Variants in KNDC1 observed in about 807,000 individuals in gnomAD.
KNDC1 encodes the protein kinase non-catalytic C-lobe domain containing 1.
In KNDC1, 106 loss-of-function variants were observed where a neutral mutation model predicts 172.8. That is an observed-to-expected ratio of 0.61 (90% CI 0.52 to 0.72). KNDC1 has a LOEUF of 0.72. Among genes scored for constraint, KNDC1 ranks in the 30% least tolerant of loss-of-function variants. KNDC1 has a pLI of 0.00. For missense variants in KNDC1, 2,325 were observed against 2,394.5 expected, an observed-to-expected ratio of 0.97 and a Z score of 0.61; for synonymous variants, 1,083 against 1,062.2, an observed-to-expected ratio of 1.02 and a Z score of -0.38.
chr10:133,178,009 GTGTGCATGCATGTGGTA>G (rs1194249402), intron 3 of KNDC1, among the ~76,000 whole-genome samples: 1 of 150,598 alleles, frequency 6.6e-6, no homozygotes, highest in African/African-American at 2.4e-5. Context: ...TGTATGTGGT[GTGTGCATGCATGTGGTA>G]TGTGTCATGG....
intron 9 of KNDC1, among the ~76,000 whole-genome samples, chr10:133,193,001 A>C (rs1044153785): frequency 6.6e-6 from 1 of 152,202 alleles, no homozygotes; most frequent in South Asian, 2.1e-4. Flanking sequence ...GACACATCAT[A>C]GTCAAACCTC....
At chr10:133,196,572 C>G (rs111666943) in intron 10 of KNDC1, among the ~76,000 whole-genome samples, 1 of 152,200 alleles carries the variant, frequency 6.6e-6, no homozygotes, top group Non-Finnish European at 1.5e-5. Flanking sequence ...ACCCTGTGGG[C>G]CTCTCAGGCC....
chr10:133,203,179 A>G (rs12241840), intron 17 of KNDC1, among the ~76,000 whole-genome samples: 2 of 45,602 alleles, frequency 4.4e-5, no homozygotes, highest in African/African-American at 6.2e-5. Flanking sequence ...CCAAACGCAC[A>G]GAGTCCAGCG....
At chr10:133,173,879 AAC>A (rs1363568812) in intron 3 of KNDC1, 1 of 152,184 alleles carries the variant, frequency 6.6e-6, no homozygotes, top group Non-Finnish European at 1.5e-5. Context: ...TAAACTTCCA[AAC>A]ACACTAGGGC....
At chr10:133,167,061 T>G in intron 1 of KNDC1, 1 of 407,674 alleles carries the variant, frequency 2.5e-6, no homozygotes, top group Non-Finnish European at 4.6e-6. Flanking sequence ...GCCTGCGGGG[T>G]CGGGGTGCTC....
At chr10:133,160,738 G>A in intron 1 of KNDC1, among the ~76,000 whole-genome samples, 169 bp downstream of exon 1, 1 of 152,138 alleles carries the variant, frequency 6.6e-6, no homozygotes, top group East Asian at 1.9e-4. Flanking sequence ...TTTTCACCCG[G>A]AGGGGACAGC....
chr10:133,183,514 C>A, intron 4 of KNDC1, 24 bp downstream of exon 4: 1 of 1,582,694 alleles, frequency 6.3e-7, no homozygotes, highest in Non-Finnish European at 8.6e-7. Context: ...CCCTGGGCCA[C>A]CCCAGGCTGT....
rs1385896628 is a variant in KNDC1 at position 133,219,105 on chromosome 10, C to A, written c.4860+15C>A. On this transcript the variant is annotated intron_variant, in intron 28 of 29. Coordinates refer to ENST00000304613, the MANE Select transcript of KNDC1 (RefSeq NM_152643.8). ...AAGCCGTGGAGGTACCAGCACTTTACGTGGCCGGGCGGCTTTGGTCCCCCG... is the reference window on the plus strand; with the variant it reads ...AAGCCGTGGAGGTACCAGCACTTTAAGTGGCCGGGCGGCTTTGGTCCCCCG... 6.2e-7 allele frequency: 1 copy of A among 1,611,126 alleles called. No homozygotes were observed. Among genetic ancestry groups the A allele is most frequent in the African/African-American group, 1.3e-5 (1 of 74,914 alleles).
intron 9 of KNDC1, among the ~76,000 whole-genome samples, chr10:133,194,958 G>A (rs1482298068): frequency 7.9e-5 from 12 of 152,210 alleles, no homozygotes; most frequent in African/African-American, 2.2e-4. Context: ...GGGGTGCCCC[G>A]AATTCCAGCA....
intron 17 of KNDC1, among the ~76,000 whole-genome samples, chr10:133,203,382 C>T (rs537609613): frequency 2.4e-4 from 37 of 152,378 alleles, no homozygotes; most frequent in African/African-American, 8.7e-4. Context: ...TGGCCACAGC[C>T]TCACGTTTCT....
rs1845673847 is a variant in KNDC1, at chr10:133,224,220, A to G, written c.5019-439A>G. On this transcript the variant is annotated intron_variant, in intron 29 of 29. Transcript: ENST00000304613. The surrounding 1 kb of genome is among the most constrained non-coding windows in gnomAD (Gnocchi z 5.4). Reference sequence around the variant, plus strand: ...TGGCCAGCTTTCTCCATTATATTCTATGGTGTGCTGGTCACTGTCAACCAG... The same window carrying G: ...TGGCCAGCTTTCTCCATTATATTCTGTGGTGTGCTGGTCACTGTCAACCAG... 6.6e-6 allele frequency among the ~76,000 whole-genome samples: 1 copy of G among 152,100 alleles called. No individual in the cohort carries two copies. The highest frequency in any genetic ancestry group is 2.1e-4 in the South Asian group (1 of 4,830).
intron 3 of KNDC1, among the ~76,000 whole-genome samples, chr10:133,180,699 A>G (rs1235022207): frequency 1.3e-5 from 2 of 152,242 alleles, no homozygotes; most frequent in Non-Finnish European, 2.9e-5. Context: ...AGCTGGCAAC[A>G]CACACAGCAA....
rs373810988 is a variant in KNDC1 at position 133,207,198 on chromosome 10, C to T, written c.3641C>T (p.Ala1214Val). ...ACCCTCCCAGTGATCGTGAACATCG[C>T]GGCCGCACCCTGCGACACGCTGGAC... ...PCTLPVIVNI[A>V]AAPCDTLDFS... Residue 1214 changes from alanine to valine, a missense_variant, in exon 20 of 30, where the codon GCG becomes GTG. By Grantham distance (64) the Ala-to-Val change is moderately conservative (BLOSUM62 0). Coordinates refer to ENST00000304613, the MANE Select transcript of KNDC1 (RefSeq NM_152643.8). 10 of 1,611,150 alleles carry T rather than the reference C, an allele frequency of 6.2e-6. No homozygotes were observed. Among genetic ancestry groups the T allele is most frequent in the South Asian group, 1.1e-5 (1 of 90,902 alleles).
In KNDC1 at chr10:133,199,676, C is replaced by T. The variant is rs558943784; in HGVS notation, c.2903+74C>T. ...TGTGCCTGGGCTCTGCTGCCTGACC[C>T]GGGCCCAGCCTTCCCCTCCCAACCC... On this transcript the variant is annotated intron_variant, in intron 15 of 29. Coordinates refer to ENST00000304613, the MANE Select transcript of KNDC1 (RefSeq NM_152643.8). 3.1e-4 allele frequency: 470 copies of T among 1,528,520 alleles called. 11 individuals carry two copies. The South Asian group carries it at 5.2e-3, about 17-fold the overall frequency. 94.7% of individuals were successfully genotyped at this position (1,528,520 alleles called of 1,614,324 possible). A position where few individuals can be genotyped will look rare whatever the true frequency, so the allele number is the denominator to read the frequency against.
In KNDC1 at chr10:133,209,577, T is replaced by C. The variant is rs1845313093; in HGVS notation, c.3795-1034T>C. Among the ~76,000 whole-genome samples, 1 of 151,934 alleles carries C rather than the reference T, an allele frequency of 6.6e-6. No individual in the cohort carries two copies. The highest frequency in any genetic ancestry group is 2.1e-4 in the South Asian group (1 of 4,820). On this transcript the variant is annotated intron_variant, in intron 20 of 29. Transcript: ENST00000304613. This position sits in a 1 kb window ranked among gnomAD's most constrained non-coding sequence, Gnocchi z 4.9. ...CGAGTTCTGTGTGGCTTTGTCCACG[T>C]GTGTGGCGTGCGTGTCTGTGGTTGT... is the stretch of plus-strand genomic sequence containing the variant.
chr10:133,201,596 A>G lies in KNDC1; in HGVS notation c.3085A>G (p.Asn1029Asp). ...GGACTCGGACGCACTGTCACGGGGA[A>G]ACTTCGAGGTGGGGTTTCGGCCTCA... is the stretch of plus-strand genomic sequence containing the variant. Reference protein sequence around the residue: ...DVDSDALSRGNFEVGFRPQRS... With the variant: ...DVDSDALSRGDFEVGFRPQRS... Residue 1029 changes from asparagine (N) to aspartate (D), a missense_variant, in exon 17 of 30, where the codon AAC becomes GAC. By Grantham distance (23) the Asn-to-Asp change is conservative (BLOSUM62 1). Coordinates refer to ENST00000304613, the MANE Select transcript of KNDC1 (RefSeq NM_152643.8). The G allele has an allele frequency of 6.2e-7, 1 of 1,613,082 alleles. No individual in the cohort carries two copies. Among genetic ancestry groups the G allele is most frequent in the South Asian group, 1.1e-5 (1 of 91,082 alleles).
chr10:133,185,643 C>T (rs966261022), intron 5 of KNDC1, among the ~76,000 whole-genome samples: 1 of 151,592 alleles, frequency 6.6e-6, no homozygotes, highest in Non-Finnish European at 1.5e-5. Context: ...TCGAGGAAAA[C>T]GACGTGCCTT....
chr10:133,199,788 G>A (rs1263812471), intron 15 of KNDC1, among the ~76,000 whole-genome samples, 186 bp downstream of exon 15: 1 of 152,168 alleles, frequency 6.6e-6, no homozygotes, highest in African/African-American at 2.4e-5. Flanking sequence ...TGGGCCTGAC[G>A]CCTACTCACA....
intron 23 of KNDC1, among the ~76,000 whole-genome samples, chr10:133,212,427 G>A (rs996899775): frequency 1.3e-5 from 2 of 152,244 alleles, no homozygotes; most frequent in South Asian, 4.1e-4. Flanking sequence ...GTGACTCATT[G>A]ACCCACGGGC....
Sources: allele counts gnomAD v4.1 joint callset (sites outside exome capture counted in the v4.1 genomes callset), GRCh38; gene constraint gnomAD v4.1.1; non-coding constraint Gnocchi (gnomAD v3.1); transcripts MANE v1.5; gene names NCBI Gene and HGNC (gene_info 2026-07-23, HGNC 2026-07-21).